Variants in ABCA10 observed in about 807,000 individuals in gnomAD.
The protein encoded by ABCA10 is ATP binding cassette subfamily A member 10.
A neutral mutation model predicts 187.5 loss-of-function variants in ABCA10; 169 were observed. The ratio of observed to expected loss-of-function variants is 0.90; its 90% CI spans 0.80 to 1.02. The LOEUF is 1.02. Ranked by LOEUF, ABCA10 falls within the 50% of genes least tolerant of loss-of-function variation. The probability of loss-of-function intolerance (pLI) is 0.00; values close to 1 mark genes in which losing one functional copy is unlikely to be tolerated. For missense variants in ABCA10, 1,727 were observed against 1,812.4 expected (o/e 0.95, Z 0.86); for synonymous variants, 574 against 601.8 (o/e 0.95, Z 0.68).
intron 22 of ABCA10, 136 bp from the exon 23 acceptor site, chr17:69,175,649 A>C: frequency 1.6e-6 from 1 of 642,226 alleles, no homozygotes; most frequent in South Asian, 2.4e-5. Flanking sequence ...ACAAGCAAAC[A>C]TGTTTTGTTA....
intron 29 of ABCA10, 40 bp downstream of exon 29, chr17:69,155,765 A>G (rs373645463): frequency 1.1e-4 from 183 of 1,597,826 alleles, no homozygotes; most frequent in Middle Eastern, 1.7e-4. Flanking sequence ...AGGACAAACT[A>G]TCTGAGCATT....
intron 9 of ABCA10, among the ~76,000 whole-genome samples, chr17:69,207,176 A>T (rs2144824237): frequency 6.6e-6 from 1 of 152,358 alleles, no homozygotes; most frequent in South Asian, 2.1e-4. Context: ...AATGCAAATT[A>T]AAACCATAAC....
intron 9 of ABCA10, among the ~76,000 whole-genome samples, chr17:69,211,908 T>C (rs1421922545): frequency 1.3e-5 from 2 of 152,226 alleles, no homozygotes; most frequent in African/African-American, 2.4e-5. Flanking sequence ...TCTATCAATT[T>C]TGTTCAACTT....
At chr17:69,150,186 G>A in intron 36 of ABCA10, 123 bp from the exon 37 acceptor site, 1 of 616,202 alleles carries the variant, frequency 1.6e-6, no homozygotes. Context: ...ATTTGATATA[G>A]CATGAATCAG....
At chr17:69,193,442 T>C (rs773530988) in intron 14 of ABCA10, 51 bp downstream of exon 14, 2 of 1,574,576 alleles carry the variant, frequency 1.3e-6, no homozygotes, top group Non-Finnish European at 8.6e-7. Flanking sequence ...TTAATAATAG[T>C]TGTATATCCT....
At position 69,192,613 on chromosome 17, in the gene ABCA10, T is replaced by C. The variant is rs1454022474; in HGVS notation, c.1821A>G (p.Ala607=). The C allele has an allele frequency of 6.2e-7, 1 of 1,613,746 alleles. No individual in the cohort carries two copies. The highest frequency in any genetic ancestry group is 2.2e-5 in the East Asian group (1 of 44,810). ...VFLSNGKLKC[A]GSSLFLKRKW... Reference sequence around the variant, plus strand: ...TTCGCTTCAGAAACAAAGATGATCCTGCACATTTCAACTTCCCATTAGACA... The same window carrying C: ...TTCGCTTCAGAAACAAAGATGATCCCGCACATTTCAACTTCCCATTAGACA... Residue 607 remains alanine (A), a synonymous_variant, in exon 16 of 39, where the codon GCA becomes GCG. Coordinates refer to ENST00000690296, the MANE Select transcript of ABCA10 (RefSeq NM_001377321.1).
intron 33 of ABCA10, 33 bp downstream of exon 33, chr17:69,153,438 G>A: frequency 6.2e-7 from 1 of 1,613,698 alleles, no homozygotes; most frequent in Non-Finnish European, 8.5e-7. Context: ...CCCAGCCATG[G>A]GTGCACAGGG....
At chr17:69,201,895 C>T (rs2074549324) in intron 9 of ABCA10, among the ~76,000 whole-genome samples, 1 of 152,154 alleles carries the variant, frequency 6.6e-6, no homozygotes, top group African/African-American at 2.4e-5. Flanking sequence ...AGCGATCTCT[C>T]CTGCCTCAGC....
At chr17:69,196,034 C>G (rs974194426) in intron 11 of ABCA10, among the ~76,000 whole-genome samples, 5 of 152,244 alleles carry the variant, frequency 3.3e-5, no homozygotes, top group Admixed American at 6.5e-5. Context: ...TGGACAAAAC[C>G]GCCATCATCA....
At chr17:69,214,486 G>T (rs531071853) in intron 9 of ABCA10, among the ~76,000 whole-genome samples, 86 of 148,528 alleles carry the variant, frequency 5.8e-4, no homozygotes, top group Non-Finnish European at 1.1e-3. Context: ...CTGCACTCCA[G>T]CCTGGGCGAC....
At position 69,219,486 on chromosome 17, in the gene ABCA10, CTAGT is replaced by C. The variant is rs1476946041; in HGVS notation, c.530+55_530+58del. ...TGAGTGCGTCCAATTTTTTAAGAAC[CTAGT>C]TAGTTTCTCTAATAATTAATGTATG... On this transcript the variant is annotated intron_variant, in intron 6 of 38. Transcript: ENST00000690296. The C allele has an allele frequency of 4.8e-6, 6 of 1,262,884 alleles. No individual in the cohort carries two copies. The South Asian group carries it at 8.3e-5, about 17-fold the overall frequency. 78.2% of individuals were successfully genotyped at this position (1,262,884 alleles called of 1,614,324 possible). A position where few individuals can be genotyped will look rare whatever the true frequency, so the allele number is the denominator to read the frequency against.
intron 22 of ABCA10, among the ~76,000 whole-genome samples, chr17:69,181,165 A>G (rs2074378131): frequency 6.6e-6 from 1 of 152,046 alleles, no homozygotes; most frequent in South Asian, 2.1e-4. Flanking sequence ...ATACATACAC[A>G]CTCTTTTGCA....
chr17:69,152,781 T>C (rs1304955656), intron 34 of ABCA10, among the ~76,000 whole-genome samples: 3 of 145,200 alleles, frequency 2.1e-5, no homozygotes, highest in African/African-American at 5.0e-5. Flanking sequence ...AGAAAGACCC[T>C]GTGTCAAGTA....
At chr17:69,210,813 T>A (rs1331667542) in intron 9 of ABCA10, among the ~76,000 whole-genome samples, 1 of 134,414 alleles carries the variant, frequency 7.4e-6, no homozygotes, top group Admixed American at 7.4e-5. Context: ...ATGGCATATA[T>A]ATACATATAT....
At chr17:69,151,942 C>A in intron 36 of ABCA10, 101 bp downstream of exon 36, 1 of 1,485,564 alleles carries the variant, frequency 6.7e-7, no homozygotes, top group Non-Finnish European at 9.0e-7. Context: ...ATGAATAAGT[C>A]CACTCTGCCT....
intron 5 of ABCA10, among the ~76,000 whole-genome samples, chr17:69,221,588 T>C (rs1326304236): frequency 6.6e-6 from 1 of 152,078 alleles, no homozygotes; most frequent in Non-Finnish European, 1.5e-5. Flanking sequence ...AGAGAATGTG[T>C]GTAGGGGGTC....
At chr17:69,238,850 C>T (rs2074887560) in intron 1 of ABCA10, among the ~76,000 whole-genome samples, 1 of 152,268 alleles carries the variant, frequency 6.6e-6, no homozygotes, top group South Asian at 2.1e-4. Flanking sequence ...TCTGTTGAGG[C>T]AATTGTCTTC....
intron 9 of ABCA10, among the ~76,000 whole-genome samples, chr17:69,204,916 G>A (rs921633174): frequency 2.0e-4 from 30 of 152,194 alleles, no homozygotes; most frequent in Admixed American, 1.8e-3. Flanking sequence ...ATGGCTTGAG[G>A]CCAGGAGTTT....
intron 9 of ABCA10, among the ~76,000 whole-genome samples, chr17:69,202,136 G>A (rs1254280923): frequency 6.6e-6 from 1 of 152,172 alleles, no homozygotes; most frequent in Non-Finnish European, 1.5e-5. Flanking sequence ...CAGTGCTGTG[G>A]CTTTCGATAA....
Sources: allele counts gnomAD v4.1 joint callset (sites outside exome capture counted in the v4.1 genomes callset), GRCh38; gene constraint gnomAD v4.1.1; transcripts MANE v1.5; gene names NCBI Gene and HGNC (gene_info 2026-07-23, HGNC 2026-07-21).